ITSN1: variants seen among roughly 807,000 people sequenced by gnomAD.
The protein encoded by ITSN1 is intersectin 1.
In ITSN1, 58 loss-of-function variants were observed where a neutral mutation model predicts 239.8. That is an observed-to-expected ratio of 0.24 (90% CI 0.20 to 0.30). The LOEUF is 0.30. ITSN1 is among the 10% of genes least tolerant of loss of function. The pLI is 1.00. For missense variants in ITSN1, 1,558 were observed against 2,103.3 expected, an observed-to-expected ratio of 0.74 and a Z score of 5.07; for synonymous variants, 780 against 770.8, an observed-to-expected ratio of 1.01 and a Z score of -0.20.
At chr21:33,698,433 G>T (rs1473521437) in intron 1 of ITSN1, among the ~76,000 whole-genome samples, 1 of 152,232 alleles carries the variant, frequency 6.6e-6, no homozygotes, top group Admixed American at 6.5e-5. Flanking sequence ...TAGTTTGTCA[G>T]ATATAATGTG....
intron 1 of ITSN1, among the ~76,000 whole-genome samples, chr21:33,656,509 A>T (rs1016795875): frequency 1.1e-4 from 17 of 152,124 alleles, no homozygotes; most frequent in Non-Finnish European, 4.4e-5. Context: ...GGTGAGTTTG[A>T]ATTCTGTTCA....
rs185148497 is a variant in ITSN1 at position 33,648,808 on chromosome 21, G to A, written c.-33+6095G>A. On this transcript the variant is annotated intron_variant, in intron 1 of 39. Coordinates refer to ENST00000381318, the MANE Select transcript of ITSN1 (RefSeq NM_003024.3). ...CAGATGCCACAGCACTCCAGACTGG[G>A]CAACATAGTGAGATCTTGTCAAAAA... Among the ~76,000 whole-genome samples the A allele has an allele frequency of 9.3e-4, 142 of 152,130 alleles. 1 individual carries two copies. The highest frequency in any genetic ancestry group is 7.3e-3 in the Admixed American group (112 of 15,274).
Position 33,657,179 on chromosome 21 carries a change from C to T in ITSN1, c.-33+14466C>T, listed in dbSNP as rs116235439. ...TAGGTAGGTTTTCAACCCCTGCCCCCGTTTTGGAATCCCCAGTGTTTATTG... is the reference window on the plus strand; with the variant it reads ...TAGGTAGGTTTTCAACCCCTGCCCCTGTTTTGGAATCCCCAGTGTTTATTG... On this transcript the variant is annotated intron_variant, in intron 1 of 39. Transcript: ENST00000381318. 5.4e-3 allele frequency among the ~76,000 whole-genome samples: 815 copies of T among 152,292 alleles called. 9 individuals are homozygous for T. Among genetic ancestry groups the T allele is most frequent in the African/African-American group, 0.018 (750 of 41,552 alleles).
At chr21:33,878,563 T>C (rs971531336) in intron 34 of ITSN1, among the ~76,000 whole-genome samples, 1 of 152,072 alleles carries the variant, frequency 6.6e-6, no homozygotes, top group African/African-American at 2.4e-5. Context: ...GTTTCTTCCC[T>C]CTCATAAGCT....
At chr21:33,745,732 C>T (rs2067138973) in intron 5 of ITSN1, among the ~76,000 whole-genome samples, 1 of 152,102 alleles carries the variant, frequency 6.6e-6, no homozygotes, top group South Asian at 2.1e-4. Context: ...CAATTCTGGC[C>T]ACAGAAGAGC....
intron 1 of ITSN1, among the ~76,000 whole-genome samples, chr21:33,668,840 T>A (rs1416015257): frequency 6.6e-6 from 1 of 152,160 alleles, no homozygotes; most frequent in East Asian, 1.9e-4. Context: ...GGGAAAAGTG[T>A]GAAAGGGCAG....
chr21:33,786,012 G>A (rs1309734355), intron 16 of ITSN1, among the ~76,000 whole-genome samples: 2 of 152,210 alleles, frequency 1.3e-5, no homozygotes, highest in East Asian at 3.8e-4. Context: ...GAGGGTGGGA[G>A]AAGAGGAGAA....
At chr21:33,867,638 TAA>T (rs3057468) in intron 33 of ITSN1, among the ~76,000 whole-genome samples, 55,258 of 142,764 alleles carry the variant, frequency 0.39, 10,891 homozygotes, top group East Asian at 0.5. Context: ...CTATCTCTAT[TAA>T]AAAAAAAAAA....
At chr21:33,808,076 A>G (rs2072601713) in intron 20 of ITSN1, among the ~76,000 whole-genome samples, 1 of 151,534 alleles carries the variant, frequency 6.6e-6, no homozygotes, top group Non-Finnish European at 1.5e-5. Context: ...AGTCCCAGCT[A>G]CTCGGGAGGC....
chr21:33,676,554 G>T (rs1034251126), intron 1 of ITSN1, among the ~76,000 whole-genome samples: 23 of 152,260 alleles, frequency 1.5e-4, no homozygotes, highest in African/African-American at 5.3e-4. Flanking sequence ...GATTTCATTT[G>T]TTCACTAGGG....
intron 1 of ITSN1, among the ~76,000 whole-genome samples, chr21:33,657,501 C>G (rs963112829): frequency 6.6e-6 from 1 of 152,214 alleles, no homozygotes; most frequent in African/African-American, 2.4e-5. Context: ...TGACATTTCA[C>G]TGGTCTTCCA....
At chr21:33,657,055 G>GAGGGTACAT (rs1216165600) in intron 1 of ITSN1, among the ~76,000 whole-genome samples, 1 of 152,112 alleles carries the variant, frequency 6.6e-6, no homozygotes. Context: ...TTTAGATTCA[G>GAGGGTACAT]AGGGTACATG....
chr21:33,702,134 T>A (rs1438615407), intron 1 of ITSN1, among the ~76,000 whole-genome samples: 2 of 143,130 alleles, frequency 1.4e-5, no homozygotes, highest in Admixed American at 1.4e-4. Flanking sequence ...TTTTTTTTTT[T>A]AGACGGAGTC....
rs768889824 is a variant in ITSN1 at position 33,667,771 on chromosome 21, C to T, written c.-33+25058C>T. The stretch of plus-strand genomic sequence containing the variant: ...CTGAGTCTGCACTGTTCACAGTATG[C>T]GATCTATGTAATACCGCTCCTTATG... On this transcript the variant is annotated intron_variant, in intron 1 of 39. Coordinates refer to ENST00000381318, the MANE Select transcript of ITSN1 (RefSeq NM_003024.3). 7.2e-5 allele frequency among the ~76,000 whole-genome samples: 11 copies of T among 152,094 alleles called. No homozygotes were observed. In the South Asian group the frequency reaches 1.2e-3, roughly 17 times the overall value.
rs910998454 is a variant in ITSN1 at position 33,797,034 on chromosome 21, TAC to T, written c.1953-343_1953-342del. 2.0e-5 allele frequency among the ~76,000 whole-genome samples: 3 copies of T among 152,220 alleles called. No homozygotes were observed. The highest frequency in any genetic ancestry group is 4.4e-5 in the Non-Finnish European group (3 of 68,040). ...GTTCCCTTTGCTGGGGGGAAATTTT[TAC>T]AGTGTTGGGTGTATTTTATTTTTAT... On this transcript the variant is annotated intron_variant, in intron 17 of 39. Transcript: ENST00000381318. The surrounding 1 kb of genome is among the most constrained non-coding windows in gnomAD (Gnocchi z 4.9).
chr21:33,833,475 G>T (rs913522207), intron 27 of ITSN1, among the ~76,000 whole-genome samples: 3 of 152,174 alleles, frequency 2.0e-5, no homozygotes, highest in African/African-American at 7.2e-5. Flanking sequence ...CTGTGGCCTT[G>T]GGGCTGTCAC....
intron 1 of ITSN1, among the ~76,000 whole-genome samples, chr21:33,678,870 C>T (rs764046811): frequency 6.6e-6 from 1 of 152,100 alleles, no homozygotes; most frequent in Non-Finnish European, 1.5e-5. Context: ...TGCGCCACCA[C>T]GCCCAGCTAA....
At chr21:33,646,646 A>T (rs2087981072) in intron 1 of ITSN1, among the ~76,000 whole-genome samples, 1 of 152,218 alleles carries the variant, frequency 6.6e-6, no homozygotes, top group South Asian at 2.1e-4. Flanking sequence ...ACATGGAAAT[A>T]GTAATAATAA....
Position 33,781,987 on chromosome 21 carries a change from A to T in ITSN1, c.1685-7A>T. The T allele has an allele frequency of 6.3e-7, 1 of 1,580,854 alleles. No individual in the cohort carries two copies. Among genetic ancestry groups the T allele is most frequent in the Non-Finnish European group, 8.6e-7 (1 of 1,169,368 alleles). On this transcript the variant is annotated splice_polypyrimidine_tract_variant and splice_region_variant and intron_variant, in intron 15 of 39. Coordinates refer to ENST00000381318, the MANE Select transcript of ITSN1 (RefSeq NM_003024.3). ...TTTCTTATCTTTGCGACGTTTTTCT[A>T]AAATAGGAGATTCACTTGTTACACT...
Sources: gnomAD v4.1 joint callset for allele counts (sites outside exome capture counted in the v4.1 genomes callset) on GRCh38, gnomAD v4.1.1 for gene constraint, Gnocchi (gnomAD v3.1) non-coding constraint, MANE v1.5 for transcripts, NCBI Gene and HGNC (gene_info 2026-07-23, HGNC 2026-07-21) for gene names.